FYB2: variants seen among roughly 807,000 people sequenced by gnomAD.
FYB2 encodes the protein FYN binding protein 2.
FYB2 carries 103 observed loss-of-function variants against 94.1 expected under a neutral mutation model. The ratio of observed to expected loss-of-function variants is 1.09; its 90% CI spans 0.93 to 1.29. FYB2 has a LOEUF of 1.29. Among genes scored for constraint, FYB2 ranks in the 50% most tolerant of loss-of-function variants. FYB2 has a pLI of 0.00. For missense variants in FYB2, 896 were observed against 841.5 expected (o/e 1.06, Z -0.80); for synonymous variants, 293 against 287.9 (o/e 1.02, Z -0.18).
At chr1:56,787,087 T>C in intron 4 of FYB2, 88 bp downstream of exon 4, 1 of 1,386,548 alleles carries the variant, frequency 7.2e-7, no homozygotes. Flanking sequence ...TACAGATTCT[T>C]GGTTTGTGCT....
At chr1:56,726,413 C>T (rs1269131521) in intron 16 of FYB2, 84 bp downstream of exon 16, 1 of 1,252,502 alleles carries the variant, frequency 8.0e-7, no homozygotes, top group African/African-American at 1.5e-5. Context: ...AATCAAATTT[C>T]ATTACTTATC....
At chr1:56,807,109 G>A (rs1001612665) in intron 1 of FYB2, among the ~76,000 whole-genome samples, 8 of 152,132 alleles carry the variant, frequency 5.3e-5, no homozygotes, top group Non-Finnish European at 7.4e-5. Flanking sequence ...ACCACAGAGC[G>A]TCCTTATTTG....
At chr1:56,773,856 A>G (rs565573741) in intron 4 of FYB2, among the ~76,000 whole-genome samples, 8 of 152,306 alleles carry the variant, frequency 5.3e-5, no homozygotes, top group African/African-American at 1.9e-4. Context: ...TCTGTGTAAC[A>G]TTCTACAGGT....
rs1291892608 is a variant in FYB2 at position 56,752,880 on chromosome 1, A to G, written c.1227+959T>C. Among the ~76,000 whole-genome samples, 4 of 152,204 alleles carry G rather than the reference A, an allele frequency of 2.6e-5. No homozygotes were observed. The East Asian group carries it at 7.8e-4, about 29-fold the overall frequency. ...TCATGTATCTCTCCTGCCCTCTCATATGCTCCTAATCAAACCATTCCTGAT... is the reference window on the plus strand; with the variant it reads ...TCATGTATCTCTCCTGCCCTCTCATGTGCTCCTAATCAAACCATTCCTGAT... On this transcript the variant is annotated intron_variant, in intron 8 of 19. Transcript: ENST00000343433.
chr1:56,721,407 T>C (rs1644483137), intron 17 of FYB2, among the ~76,000 whole-genome samples: 2 of 152,064 alleles, frequency 1.3e-5, no homozygotes, highest in African/African-American at 4.8e-5. Flanking sequence ...GTTTGGATCA[T>C]ATATTACAAG....
rs768219149 is a variant in FYB2 at position 56,792,648 on chromosome 1, G to A, written c.165C>T (p.Leu55=). The change falls in exon 2 of 20, where the codon CTC becomes CTT. Residue 55 remains leucine (L), a synonymous_variant. Transcript: ENST00000343433. ...GTGTGCGCTGCTTGTGGTTGGATGA[G>A]AGGGGTTTCCCATTGGCCAAAATTT... is the stretch of plus-strand genomic sequence containing the variant. ...STQILANGKP[L]SSNHKQRTPY... is the part of the protein sequence containing the mutation. 6.2e-7 allele frequency: 1 copy of A among 1,614,098 alleles called. No individual in the cohort carries two copies. Among genetic ancestry groups the A allele is most frequent in the Non-Finnish European group, 8.5e-7 (1 of 1,180,010 alleles).
intron 9 of FYB2, among the ~76,000 whole-genome samples, chr1:56,745,593 C>T (rs1402203074): frequency 2.6e-5 from 4 of 152,114 alleles, no homozygotes; most frequent in African/African-American, 4.8e-5. Context: ...TAGTATCCTC[C>T]TCCAAGCTAC....
intron 13 of FYB2, among the ~76,000 whole-genome samples, chr1:56,739,797 C>G (rs1557595853): frequency 6.6e-6 from 1 of 151,988 alleles, no homozygotes; most frequent in South Asian, 2.1e-4. Context: ...TGCTTTTGCC[C>G]AACTGTAGGC....
At chr1:56,741,754 A>T (rs1183598606) in intron 12 of FYB2, among the ~76,000 whole-genome samples, 2 of 152,070 alleles carry the variant, frequency 1.3e-5, no homozygotes, top group Non-Finnish European at 2.9e-5. Context: ...AGCCTTACTA[A>T]CTTACAGAGA....
intron 10 of FYB2, 41 bp downstream of exon 10, chr1:56,744,111 T>G (rs374288925): frequency 3.1e-6 from 5 of 1,611,942 alleles, no homozygotes; most frequent in Non-Finnish European, 4.2e-6. Flanking sequence ...CTTTAAAGTC[T>G]CATCACATTC....
intron 3 of FYB2, among the ~76,000 whole-genome samples, chr1:56,788,307 G>A (rs900948995): frequency 1.3e-5 from 2 of 152,208 alleles, no homozygotes; most frequent in African/African-American, 4.8e-5. Context: ...TGTTAGCACA[G>A]CAGTACATTT....
At chr1:56,741,196 A>C (rs954614060) in intron 12 of FYB2, among the ~76,000 whole-genome samples, 1 of 152,106 alleles carries the variant, frequency 6.6e-6, no homozygotes, top group African/African-American at 2.4e-5. Flanking sequence ...TGCCTTATTG[A>C]GTTCTATGCT....
intron 8 of FYB2, 34 bp downstream of exon 8, chr1:56,753,805 T>G (rs1645258885): frequency 6.8e-7 from 1 of 1,462,214 alleles, no homozygotes; most frequent in Non-Finnish European, 9.6e-7. Context: ...ATCTGTTATA[T>G]GTCTAAACTG....
chr1:56,826,063 C>T, the FYB2 span, among the ~76,000 whole-genome samples: 2 of 152,140 alleles, frequency 1.3e-5, no homozygotes, highest in African/African-American at 4.8e-5. Context: ...AGTGGGTGCC[C>T]GATGGTCACT....
intron 2 of FYB2, among the ~76,000 whole-genome samples, chr1:56,790,189 T>C (rs576437008): frequency 5.3e-5 from 8 of 152,320 alleles, no homozygotes; most frequent in Admixed American, 3.9e-4. Context: ...ACTTAAGAAG[T>C]GGCCTAGCAT....
chr1:56,810,132 T>C (rs1570245855), intron 1 of FYB2, among the ~76,000 whole-genome samples: 2 of 152,272 alleles, frequency 1.3e-5, no homozygotes, highest in Middle Eastern at 3.4e-3. Flanking sequence ...TTTTTAGTGA[T>C]GAAATGACTG....
intron 1 of FYB2, 122 bp from the exon 2 acceptor site, chr1:56,792,925 C>T (rs4912416): frequency 0.04 from 41,575 of 1,038,362 alleles, 2,263 homozygotes; most frequent in East Asian, 0.23. Flanking sequence ...ACTGATCTCA[C>T]CATGTTAAGG....
intron 1 of FYB2, among the ~76,000 whole-genome samples, chr1:56,806,575 C>T (rs1646652472): frequency 1.3e-5 from 2 of 152,122 alleles, no homozygotes; most frequent in Admixed American, 6.6e-5. Context: ...AAAATTCCTT[C>T]ACAGAATATA....
At chr1:56,771,260 T>C (rs1044706010) in intron 4 of FYB2, among the ~76,000 whole-genome samples, 4 of 152,142 alleles carry the variant, frequency 2.6e-5, no homozygotes, top group African/African-American at 9.6e-5. Flanking sequence ...TTGGGATGTG[T>C]TCATATGAGG....
Sources: allele counts gnomAD v4.1 joint callset (sites outside exome capture counted in the v4.1 genomes callset), GRCh38; gene constraint gnomAD v4.1.1; transcripts MANE v1.5; gene names NCBI Gene and HGNC (gene_info 2026-07-23, HGNC 2026-07-21).